Variants in TMEM230 observed in about 807,000 individuals in gnomAD.
TMEM230 encodes UPF0414 transmembrane protein C20orf30.
A neutral mutation model predicts 15.8 loss-of-function variants in TMEM230; 10 were observed. That is an observed-to-expected ratio of 0.63 (90% confidence interval 0.39 to 1.07). TMEM230 has a LOEUF of 1.07. Among genes scored for constraint, TMEM230 ranks in the 50% least tolerant of loss-of-function variants. The probability of loss-of-function intolerance (pLI) is 0.01; values close to 1 mark genes in which losing one functional copy is unlikely to be tolerated. For synonymous variants in TMEM230, 67 were observed against 76.9 expected, an observed-to-expected ratio of 0.87 and a Z score of 0.68; for missense variants, 165 against 193.3, an observed-to-expected ratio of 0.85 and a Z score of 0.87.
At chr20:5,062,438 G>T in the TMEM230 span, among the ~76,000 whole-genome samples, 1 of 151,176 alleles carries the variant, frequency 6.6e-6, no homozygotes, top group African/African-American at 2.4e-5. Context: ...CCATGGTAAA[G>T]AAGTAAATTT....
At chr20:5,086,538 C>G (rs1380578346) in intron 3 of TMEM230, among the ~76,000 whole-genome samples, 1 of 89,042 alleles carries the variant, frequency 1.1e-5, no homozygotes, top group Non-Finnish European at 2.2e-5. Flanking sequence ...GACTCTGTCT[C>G]AAAAAAAAAA....
intron 3 of TMEM230, among the ~76,000 whole-genome samples, chr20:5,093,955 T>C (rs6053104): frequency 0.028 from 4,260 of 150,978 alleles, 182 homozygotes; most frequent in African/African-American, 0.095. Flanking sequence ...GCTTTTTTTT[T>C]CCCCTTTTTC....
chr20:5,060,332 CTTT>C, the TMEM230 span, among the ~76,000 whole-genome samples: 4,281 of 102,704 alleles, frequency 0.042, 120 homozygotes, highest in African/African-American at 0.13. Context: ...AGTGTATTGT[CTTT>C]TTTTTTTTTT....
chr20:5,070,328 A>C (rs2088781905), intron 3 of TMEM230, among the ~76,000 whole-genome samples: 1 of 152,198 alleles, frequency 6.6e-6, no homozygotes, highest in Non-Finnish European at 1.5e-5. Context: ...CTGTAGCACT[A>C]ACCAATATCT....
At chr20:5,103,046 T>A (rs1283024210) in intron 4 of TMEM230, among the ~76,000 whole-genome samples, 1 of 152,180 alleles carries the variant, frequency 6.6e-6, no homozygotes, top group Admixed American at 6.5e-5. Context: ...ATTATTTCAA[T>A]CGATGCTAGA....
chr20:5,110,045 TTTG>T (rs886402849), intron 2 of TMEM230, among the ~76,000 whole-genome samples: 11 of 152,100 alleles, frequency 7.2e-5, no homozygotes, highest in Admixed American at 2.6e-4. Context: ...GTGGGGTTTT[TTTG>T]TTGTTGTTGT....
chr20:5,077,032 G>A (rs557663614), intron 3 of TMEM230, among the ~76,000 whole-genome samples: 1 of 150,756 alleles, frequency 6.6e-6, no homozygotes, highest in South Asian at 2.2e-4. Context: ...TTGGCAGAGT[G>A]CAGTGGCTCA....
At chr20:5,111,391 A>G (rs1230513276) in intron 2 of TMEM230, 1 of 152,986 alleles carries the variant, frequency 6.5e-6, no homozygotes, top group Non-Finnish European at 1.5e-5. Context: ...CAGATGGATC[A>G]CAAGGTCAGG....
intron 3 of TMEM230, among the ~76,000 whole-genome samples, chr20:5,094,758 G>A (rs1330774908): frequency 6.9e-6 from 1 of 145,692 alleles, no homozygotes; most frequent in Admixed American, 6.9e-5. Context: ...GGCTGGTCTC[G>A]AACTCTTGGC....
At chr20:5,060,698 A>G in the TMEM230 span, among the ~76,000 whole-genome samples, 5 of 152,068 alleles carry the variant, frequency 3.3e-5, no homozygotes, top group Admixed American at 6.6e-5. Flanking sequence ...AGATTCATCC[A>G]CATATAGTTA....
chr20:5,076,752 A>G (rs563832825), intron 3 of TMEM230, among the ~76,000 whole-genome samples: 2 of 135,948 alleles, frequency 1.5e-5, no homozygotes, highest in Non-Finnish European at 3.0e-5. Context: ...GTCTTGGCTC[A>G]CTGCAACCTC....
In TMEM230 at chr20:5,091,602, G is replaced by A. The variant is rs1188464488; in HGVS notation, c.222+14586C>T. 2.0e-5 allele frequency among the ~76,000 whole-genome samples: 3 copies of A among 152,120 alleles called. No homozygotes were observed. In the East Asian group the frequency reaches 5.8e-4, roughly 29 times the overall value. ...GATGTGGAACCCAAGGATATGATGG[G>A]CTGACTGTACTCATTTATTAATATT... On this transcript the variant is annotated intron_variant, in intron 3 of 3. Transcript: ENST00000612323.
chr20:5,088,107 G>A (rs1238005306), intron 3 of TMEM230, among the ~76,000 whole-genome samples: 1 of 148,680 alleles, frequency 6.7e-6, no homozygotes, highest in Non-Finnish European at 1.5e-5. Flanking sequence ...TCAGGAGTTT[G>A]AAACCAGCCT....
intron 2 of TMEM230, among the ~76,000 whole-genome samples, chr20:5,110,048 G>T (rs528348916): frequency 1.6e-3 from 248 of 152,036 alleles, no homozygotes; most frequent in Middle Eastern, 3.4e-3. Flanking sequence ...GGGTTTTTTT[G>T]TTGTTGTTGT....
intron 3 of TMEM230, among the ~76,000 whole-genome samples, chr20:5,075,420 G>T (rs1033666356): frequency 6.6e-6 from 1 of 151,118 alleles, no homozygotes; most frequent in Admixed American, 6.6e-5. Flanking sequence ...TGATTTAAAA[G>T]AATAAAATAA....
chr20:5,091,343 T>A (rs977187055), intron 3 of TMEM230, among the ~76,000 whole-genome samples: 1 of 152,186 alleles, frequency 6.6e-6, no homozygotes, highest in African/African-American at 2.4e-5. Flanking sequence ...TCCAAGTAGC[T>A]GGGATTACAG....
At chr20:5,069,447 G>A in intron 3 of TMEM230, 2 of 1,292,264 alleles carry the variant, frequency 1.5e-6, no homozygotes, top group Non-Finnish European at 1.0e-6. Context: ...TATGCATTTT[G>A]GTGCTCCACA....
rs1168473036 is a variant in TMEM230, at chr20:5,085,934, C to T, written c.223-16585G>A. Among the ~76,000 whole-genome samples the T allele has an allele frequency of 2.0e-5, 3 of 152,172 alleles. No individual in the cohort carries two copies. In the East Asian group the frequency reaches 5.8e-4, roughly 29 times the overall value. ...GGTTGTCAGGCCATACCTGCCGTGTCACCTCTCACAGGTGCTCCTCTCACA... is the reference window on the plus strand; with the variant it reads ...GGTTGTCAGGCCATACCTGCCGTGTTACCTCTCACAGGTGCTCCTCTCACA... On this transcript the variant is annotated intron_variant, in intron 3 of 3. Transcript: ENST00000612323.
chr20:5,106,362 C>G, intron 3 of TMEM230, 52 bp from the exon 3 acceptor site: 1 of 1,543,976 alleles, frequency 6.5e-7, no homozygotes, highest in African/African-American at 1.4e-5. Context: ...AATGCAAATA[C>G]CTGGGTTCAA....
Sources: gnomAD v4.1 joint callset for allele counts (sites outside exome capture counted in the v4.1 genomes callset) on GRCh38, gnomAD v4.1.1 for gene constraint, MANE v1.5 for transcripts, NCBI Gene and HGNC (gene_info 2026-07-23, HGNC 2026-07-21) for gene names.